Variants in SCN1A observed in about 807,000 individuals in gnomAD.
SCN1A encodes sodium voltage-gated channel alpha subunit 1, also known as sodium channel protein type 1 subunit alpha.
In SCN1A, 13 loss-of-function variants were observed where a neutral mutation model predicts 193.7. The ratio of observed to expected loss-of-function variants is 0.07; its 90% confidence interval spans 0.04 to 0.11. The LOEUF (loss-of-function observed/expected upper bound fraction) is 0.11. SCN1A is among the 10% of genes least tolerant of loss of function. The pLI is 1.00. For missense variants in SCN1A, 1,432 were observed against 2,451.1 expected, an observed-to-expected ratio of 0.58 and a Z score of 8.78; for synonymous variants, 781 against 843.6, an observed-to-expected ratio of 0.93 and a Z score of 1.29.
At chr2:166,001,310 T>C (rs549212123) in intron 24 of SCN1A, among the ~76,000 whole-genome samples, 1 of 151,812 alleles carries the variant, frequency 6.6e-6, no homozygotes, top group African/African-American at 2.4e-5. Context: ...ATTTAAAAAA[T>C]CTCTATTTTA....
rs141188608 is a variant in SCN1A, at chr2:166,045,207, G to A, written c.1498C>T (p.Arg500Trp). Reference sequence around the variant, plus strand: ...TCTTTCTGTTTTCTTTTCTTCCTCCGATTTCTTCTTTCCTTAGCACTCTTG... The same window carrying A: ...TCTTTCTGTTTTCTTTTCTTCCTCCAATTTCTTCTTTCCTTAGCACTCTTG... ...SSKSAKERRN[R>W]RKKRKQKEQS... is the part of the protein sequence containing the mutation. Residue 500 changes from arginine (R) to tryptophan (W), a missense_variant, in exon 13 of 29, where the codon CGG (arginine) becomes TGG (tryptophan). Arg to Trp is a moderately radical substitution (Grantham distance 101). Around this residue, in one of 18 missense-constraint regions of SCN1A, gnomAD observed 316 missense variants for 362.1 expected, o/e 0.87. Coordinates refer to ENST00000674923, the MANE Select transcript of SCN1A (RefSeq NM_001165963.4). 5.6e-6 allele frequency: 9 copies of A among 1,613,756 alleles called. No individual in the cohort carries two copies. Among genetic ancestry groups the A allele is most frequent in the Middle Eastern group, 1.6e-4 (1 of 6,082 alleles).
chr2:166,069,686 A>G (rs1684212980), intron 4 of SCN1A, among the ~76,000 whole-genome samples: 2 of 152,218 alleles, frequency 1.3e-5, no homozygotes, highest in Non-Finnish European at 2.9e-5. Flanking sequence ...TGTTTTGTCT[A>G]TTCCATATAG....
At chr2:166,074,563 C>T (rs1027450929) in intron 3 of SCN1A, among the ~76,000 whole-genome samples, 6 of 152,274 alleles carry the variant, frequency 3.9e-5, no homozygotes, top group Admixed American at 6.5e-5. Flanking sequence ...GAGGCAAAAC[C>T]GTCAACCCCA....
chr2:166,013,704 A>C (rs771613576), intron 21 of SCN1A, 40 bp downstream of exon 21: 5 of 1,592,552 alleles, frequency 3.1e-6, no homozygotes, highest in Non-Finnish European at 4.3e-6. Context: ...AGAGTGTTCT[A>C]AAAATTAGTG....
chr2:166,038,252 G>A (rs1173433465), intron 17 of SCN1A, 120 bp from the exon 18 acceptor site: 10 of 802,182 alleles, frequency 1.2e-5, no homozygotes, highest in South Asian at 6.0e-5. Context: ...TGCCCTAACC[G>A]TCTCAGGCTC....
At chr2:166,002,377 A>G in intron 24 of SCN1A, 95 bp downstream of exon 24, 1 of 1,274,396 alleles carries the variant, frequency 7.8e-7, no homozygotes, top group Non-Finnish European at 1.1e-6. Flanking sequence ...AAAGAAATAT[A>G]TACTTTTTCT....
At chr2:166,076,246 G>C (rs73969793) in intron 3 of SCN1A, among the ~76,000 whole-genome samples, 5,794 of 151,892 alleles carry the variant, frequency 0.038, 369 homozygotes, top group African/African-American at 0.13. Flanking sequence ...TAGGAAAAAG[G>C]ATATAAAATA....
In SCN1A at chr2:166,003,287, T is replaced by A. The variant is rs1247004769; in HGVS notation, c.4003-534A>T. On this transcript the variant is annotated intron_variant, in intron 23 of 28. Transcript: ENST00000674923. ...ATTATTCATGCATTGCTATGACTAA[T>A]AATTTTTGCATAAGAAGCAAGACAA... is the stretch of plus-strand genomic sequence containing the variant. 4.6e-5 allele frequency among the ~76,000 whole-genome samples: 7 copies of A among 151,716 alleles called. No individual in the cohort carries two copies. In the South Asian group the frequency reaches 6.2e-4, roughly 13 times the overall value.
At chr2:166,059,914 A>T (rs1023631088) in intron 4 of SCN1A, among the ~76,000 whole-genome samples, 1 of 150,000 alleles carries the variant, frequency 6.7e-6, no homozygotes, top group Non-Finnish European at 1.5e-5. Flanking sequence ...TGGTATGGGT[A>T]GAAGTGTCCT....
chr2:166,045,291 C>T lies in SCN1A; in HGVS notation c.1414G>A (p.Glu472Lys). The change falls in exon 13 of 29, where the codon GAG becomes AAG. Residue 472 changes from glutamate (E) to lysine (K), a missense_variant. By Grantham distance (56) the Glu-to-Lys change is moderately conservative (BLOSUM62 1). Transcript: ENST00000674923. ...ATATASEHSR[E>K]PSAAGRLSDS... The stretch of plus-strand genomic sequence containing the variant: ...GAGAGCCTGCCTGCTGCACTGGGCT[C>T]TCTGGAATGTTCTGAGGCAGTTGCC... 4 of 1,614,134 alleles carry T rather than the reference C, an allele frequency of 2.5e-6. No homozygotes were observed. The highest frequency in any genetic ancestry group is 3.4e-6 in the Non-Finnish European group (4 of 1,180,020).
At chr2:166,040,469 A>T (rs1697034515) in intron 16 of SCN1A, among the ~76,000 whole-genome samples, 1 of 152,178 alleles carries the variant, frequency 6.6e-6, no homozygotes, top group South Asian at 2.1e-4. Flanking sequence ...GAACTTCAAA[A>T]ATATAACTAA....
intron 2 of SCN1A, among the ~76,000 whole-genome samples, chr2:166,084,565 G>A (rs1235475202): frequency 1.3e-5 from 2 of 152,052 alleles, no homozygotes; most frequent in Non-Finnish European, 2.9e-5. Flanking sequence ...ATCAGGCTTG[G>A]TACAATTCCC....
intron 10 of SCN1A, 62 bp from the exon 11 acceptor site, chr2:166,047,830 T>G: frequency 6.3e-7 from 1 of 1,596,638 alleles, no homozygotes; most frequent in African/African-American, 1.3e-5. Flanking sequence ...TCTGATACTA[T>G]GCTATGATAT....
chr2:166,107,231 C>A (rs575536979), intron 2 of SCN1A, among the ~76,000 whole-genome samples: 2 of 152,136 alleles, frequency 1.3e-5, no homozygotes, highest in Non-Finnish European at 2.9e-5. Flanking sequence ...TGTTACTTGA[C>A]GACTGACTTC....
Position 165,992,652 on chromosome 2 carries a change from A to G in SCN1A, c.4853-230T>C. 4.8e-6 allele frequency: 1 copy of G among 207,546 alleles called. No homozygotes were observed. The highest frequency in any genetic ancestry group is 9.1e-6 in the Non-Finnish European group (1 of 109,328). The allele number at this position is 207,546 out of a possible 1,614,324, so 12.9% of individuals were successfully genotyped here. A position where few individuals can be genotyped will look rare whatever the true frequency, so the allele number is the denominator to read the frequency against. Reference sequence around the variant, plus strand: ...ATTATAGTACTTTTTTTTATCTTTAAGAGATGTTTATAAACTACTTTTAGT... The same window carrying G: ...ATTATAGTACTTTTTTTTATCTTTAGGAGATGTTTATAAACTACTTTTAGT... On this transcript the variant is annotated intron_variant, in intron 28 of 28. Transcript: ENST00000674923. The surrounding 1 kb of genome is among the most constrained non-coding windows in gnomAD (Gnocchi z 6.5).
At position 166,056,510 on chromosome 2, in the gene SCN1A, TG is replaced by T; in HGVS notation, c.384-11del. On this transcript the variant is annotated splice_polypyrimidine_tract_variant and intron_variant, in intron 5 of 28. Coordinates refer to ENST00000674923, the MANE Select transcript of SCN1A (RefSeq NM_001165963.4). Reference sequence around the variant, plus strand: ...TAGCATGCTGAATAATGTAGGTTATTGTTAAGGAACACACAAAAGAAAATCA... The same window carrying T: ...TAGCATGCTGAATAATGTAGGTTATTTTAAGGAACACACAAAAGAAAATCA... The T allele has an allele frequency of 6.4e-7, 1 of 1,555,910 alleles. No individual in the cohort carries two copies. Among genetic ancestry groups the T allele is most frequent in the Non-Finnish European group, 8.9e-7 (1 of 1,127,500 alleles).
chr2:166,013,177 T>G (rs1692769461), intron 21 of SCN1A, among the ~76,000 whole-genome samples: 1 of 151,474 alleles, frequency 6.6e-6, no homozygotes, highest in African/African-American at 2.4e-5. Flanking sequence ...TCTGATGAAG[T>G]GAACACCTTG....
At position 165,994,241 on chromosome 2, in the gene SCN1A, C is replaced by G. The variant is rs121918742; in HGVS notation, c.4757G>C (p.Gly1586Ala). The part of the protein sequence containing the change: ...INLVFIVLFT[G>A]ECVLKLISLR... ...AGAGATGAGTTTCAGTACACACTCT[C>G]CAGTAAATAGCACAATGAACACCAG... The change falls in exon 28 of 29, where the codon GGA becomes GCA. Residue 1586 changes from glycine (G) to alanine (A), a missense_variant. Gly to Ala is a moderately conservative substitution (Grantham distance 60). Coordinates refer to ENST00000674923, the MANE Select transcript of SCN1A (RefSeq NM_001165963.4). The G allele has an allele frequency of 6.2e-7, 1 of 1,613,066 alleles. No homozygotes were observed. The highest frequency in any genetic ancestry group is 1.1e-5 in the South Asian group (1 of 91,048).
In SCN1A at chr2:165,991,643, C is replaced by T. The variant is rs148703212; in HGVS notation, c.5632G>A (p.Glu1878Lys). 38 of 1,613,848 alleles carry T rather than the reference C, an allele frequency of 2.4e-5. No homozygotes were observed. Among genetic ancestry groups the T allele is most frequent in the Admixed American group, 1.7e-5 (1 of 59,948 alleles). Residue 1878 changes from glutamate (E) to lysine (K), a missense_variant, in exon 29 of 29, where the codon GAG becomes AAG. Coordinates refer to ENST00000674923, the MANE Select transcript of SCN1A (RefSeq NM_001165963.4). Reference protein sequence around the residue: ...LFAFTKRVLGESGEMDALRIQ... With the variant: ...LFAFTKRVLGKSGEMDALRIQ... ...CGTAGAGCATCCATCTCTCCACTCTCTCCTAGAACCCGCTTTGTAAAAGCA... is the reference window on the plus strand; with the variant it reads ...CGTAGAGCATCCATCTCTCCACTCTTTCCTAGAACCCGCTTTGTAAAAGCA...
Sources: allele counts gnomAD v4.1 joint callset (sites outside exome capture counted in the v4.1 genomes callset), GRCh38; gene constraint gnomAD v4.1.1; regional missense constraint gnomAD v4.1.1; non-coding constraint Gnocchi (gnomAD v3.1); transcripts MANE v1.5; gene names NCBI Gene and HGNC (gene_info 2026-07-23, HGNC 2026-07-21).